Variants in PRDM16 observed in about 807,000 individuals in gnomAD.
The protein encoded by PRDM16 is histone-lysine N-methyltransferase PRDM16.
A neutral mutation model predicts 110.6 loss-of-function variants in PRDM16; 23 were observed. The observed-to-expected ratio is 0.21, with a 90% CI of 0.15 to 0.29. The LOEUF is 0.29. Ranked by LOEUF, PRDM16 falls within the 10% of genes least tolerant of loss-of-function variation. The pLI is 1.00. For missense variants in PRDM16, 1,615 were observed against 1,794.3 expected (o/e 0.90, Z 1.81); for synonymous variants, 799 against 781.8 (o/e 1.02, Z -0.37).
chr1:3,360,996 A>G (rs884307), intron 3 of PRDM16, among the ~76,000 whole-genome samples: 3,218 of 152,210 alleles, frequency 0.021, 52 homozygotes, highest in Middle Eastern at 0.054. Context: ...TTCTCGGCGG[A>G]GCCACTTGTG....
chr1:3,263,335 G>C (rs1640212705), intron 3 of PRDM16, among the ~76,000 whole-genome samples: 1 of 152,194 alleles, frequency 6.6e-6, no homozygotes, highest in African/African-American at 2.4e-5. Context: ...GGGTAGACCA[G>C]AATTCTGGGG....
chr1:3,189,974 G>T (rs1027770259), intron 2 of PRDM16, among the ~76,000 whole-genome samples: 8 of 152,322 alleles, frequency 5.3e-5, no homozygotes, highest in Middle Eastern at 3.4e-3. Context: ...AAATGAGAAG[G>T]TCCAATTTCC....
chr1:3,422,281 GGACAGACAGGCAGGCA>G (rs1638460737), intron 12 of PRDM16, among the ~76,000 whole-genome samples: 1 of 139,312 alleles, frequency 7.2e-6, no homozygotes, highest in Non-Finnish European at 1.6e-5. Flanking sequence ...ACAGACAGAT[GGACAGACAGGCAGGCA>G]GACAGACAGG....
At chr1:3,328,898 A>G (rs1309972114) in intron 3 of PRDM16, among the ~76,000 whole-genome samples, 1 of 152,108 alleles carries the variant, frequency 6.6e-6, no homozygotes, top group Non-Finnish European at 1.5e-5. Context: ...GTTCAGATTC[A>G]GTGAGACCGT....
At chr1:3,337,636 C>T (rs1388013009) in intron 3 of PRDM16, among the ~76,000 whole-genome samples, 2 of 152,174 alleles carry the variant, frequency 1.3e-5, no homozygotes, top group East Asian at 1.9e-4. Context: ...CAGCCCCCAA[C>T]AGGGGCTGCG....
At chr1:3,296,003 G>A (rs1641081324) in intron 3 of PRDM16, among the ~76,000 whole-genome samples, 2 of 152,156 alleles carry the variant, frequency 1.3e-5, no homozygotes, top group African/African-American at 2.4e-5. Flanking sequence ...GTGGGGCTGG[G>A]CAGGAGGAAG....
intron 3 of PRDM16, among the ~76,000 whole-genome samples, chr1:3,351,041 C>T (rs1443512170): frequency 2.0e-5 from 3 of 152,226 alleles, no homozygotes; most frequent in African/African-American, 7.2e-5. Flanking sequence ...GCCCTCTGGG[C>T]AGGGGCACAG....
chr1:3,386,682 GT>G (rs1643206329), intron 4 of PRDM16: 1 of 152,248 alleles, frequency 6.6e-6, no homozygotes, highest in African/African-American at 2.4e-5. Flanking sequence ...CCAGATGAAA[GT>G]GAAATTGGAG....
chr1:3,303,883 G>T, intron 3 of PRDM16, among the ~76,000 whole-genome samples: 1 of 84,104 alleles, frequency 1.2e-5, no homozygotes, highest in Non-Finnish European at 2.3e-5. Context: ...TGCATGCTGG[G>T]GAGTGCAGGA....
intron 3 of PRDM16, among the ~76,000 whole-genome samples, chr1:3,355,130 G>A (rs1438051798): frequency 6.6e-6 from 1 of 152,178 alleles, no homozygotes; most frequent in East Asian, 1.9e-4. Context: ...ATAGTGCTGA[G>A]GATTGGATCG....
chr1:3,115,250 G>T (rs1402934131), intron 1 of PRDM16, among the ~76,000 whole-genome samples: 1 of 152,234 alleles, frequency 6.6e-6, no homozygotes, highest in Non-Finnish European at 1.5e-5. Flanking sequence ...TCATGTGAAG[G>T]CTTCAGACCC....
intron 4 of PRDM16, chr1:3,386,546 G>A (rs927845058): frequency 7.2e-5 from 11 of 151,846 alleles, no homozygotes; most frequent in Admixed American, 2.6e-4. Context: ...CAGGACTTCC[G>A]TGGCCTTCAG....
intron 3 of PRDM16, among the ~76,000 whole-genome samples, chr1:3,258,861 T>C (rs1640104217): frequency 6.6e-6 from 1 of 152,202 alleles, no homozygotes; most frequent in African/African-American, 2.4e-5. Flanking sequence ...TCTTCTTGCC[T>C]CCCAAACCTG....
chr1:3,199,690 C>T (rs1031171468), intron 2 of PRDM16, among the ~76,000 whole-genome samples: 2 of 152,062 alleles, frequency 1.3e-5, no homozygotes, highest in African/African-American at 4.8e-5. Context: ...CATGAAGAAT[C>T]GCTGGGGGCT....
chr1:3,245,121 G>T lies in PRDM16; in HGVS notation c.438+984G>T, dbSNP rs1639763678. 6.6e-6 allele frequency among the ~76,000 whole-genome samples: 1 copy of T among 152,198 alleles called. No homozygotes were observed. The highest frequency in any genetic ancestry group is 2.1e-4 in the South Asian group (1 of 4,832). ...TTGCTGGCACAGAGGAGCCAGTGCT[G>T]AGTCAGTGCCTACCGAGTGCTGTTA... On this transcript the variant is annotated intron_variant, in intron 3 of 16. Transcript: ENST00000270722. The surrounding 1 kb of genome is among the most constrained non-coding windows in gnomAD (Gnocchi z 4.7).
intron 2 of PRDM16, among the ~76,000 whole-genome samples, chr1:3,196,804 C>G (rs1638489963): frequency 6.6e-6 from 1 of 152,244 alleles, no homozygotes. Context: ...TTCCTTCCTC[C>G]CCTACCCATG....
At chr1:3,334,788 C>T (rs576849854) in intron 3 of PRDM16, among the ~76,000 whole-genome samples, 16 of 152,364 alleles carry the variant, frequency 1.1e-4, no homozygotes, top group South Asian at 8.3e-4. Context: ...ACAGAGCAAA[C>T]GAACACTCAC....
intron 3 of PRDM16, among the ~76,000 whole-genome samples, chr1:3,354,169 C>G (rs1642547891): frequency 6.6e-6 from 1 of 152,182 alleles, no homozygotes. Context: ...AGATAAAGAA[C>G]CATTGCTAGG....
intron 3 of PRDM16, among the ~76,000 whole-genome samples, chr1:3,264,227 G>A (rs976980564): frequency 6.6e-5 from 10 of 152,220 alleles, no homozygotes; most frequent in South Asian, 2.1e-4. Context: ...GCCTCTCTGC[G>A]GAGGGGCCTT....
Sources: gnomAD v4.1 joint callset for allele counts (sites outside exome capture counted in the v4.1 genomes callset) on GRCh38, gnomAD v4.1.1 for gene constraint, Gnocchi (gnomAD v3.1) non-coding constraint, MANE v1.5 for transcripts, NCBI Gene and HGNC (gene_info 2026-07-23, HGNC 2026-07-21) for gene names.